Variants in SRCAP observed in about 807,000 individuals in gnomAD.
SRCAP encodes Snf2 related CREBBP activator protein, also known as chromatin remodeling protein SRCAP.
A neutral mutation model predicts 263.1 loss-of-function variants in SRCAP; 46 were observed. That is an observed-to-expected ratio of 0.17 (90% CI 0.14 to 0.22). SRCAP has a LOEUF of 0.22. Ranked by LOEUF, SRCAP falls within the 10% of genes least tolerant of loss-of-function variation. SRCAP has a pLI of 1.00. For synonymous variants in SRCAP, 1,813 were observed against 1,662.1 expected, an observed-to-expected ratio of 1.09 and a Z score of -2.21; for missense variants, 3,695 against 4,181.9, an observed-to-expected ratio of 0.88 and a Z score of 3.21.
At chr16:30,735,441 C>T (rs928762231) in intron 31 of SRCAP, among the ~76,000 whole-genome samples, 34 of 152,060 alleles carry the variant, frequency 2.2e-4, no homozygotes, top group South Asian at 4.1e-4. Context: ...CCACCGCGCC[C>T]GGCCACAAAG....
intron 10 of SRCAP, among the ~76,000 whole-genome samples, chr16:30,711,322 C>CTTG (rs1489012949): frequency 6.6e-6 from 1 of 152,196 alleles, no homozygotes; most frequent in Admixed American, 6.5e-5. Context: ...TAGGAAGATA[C>CTTG]TGACAGCATT....
chr16:30,734,507 A>C lies in SRCAP; in HGVS notation c.6621A>C (p.Arg2207=). The C allele has an allele frequency of 1.9e-6, 3 of 1,613,938 alleles. No homozygotes were observed. The highest frequency in any genetic ancestry group is 1.3e-5 in the African/African-American group (1 of 75,006). ...TTAYFKQQTI[R]ELFDMPLEEP... is the part of the protein sequence containing the mutation. ...GTTCTATCCGATAGCAGACCATCCG[A>C]GAGCTGTTTGATATGCCCCTGGAGG... is the stretch of plus-strand genomic sequence containing the variant. Residue 2207 remains arginine (R), a synonymous_variant, in exon 31 of 34, where the codon CGA becomes CGC. Transcript: ENST00000262518.
In SRCAP at chr16:30,733,882, A is replaced by C; in HGVS notation, c.6495-12A>C. 1 of 1,613,686 alleles carries C rather than the reference A, an allele frequency of 6.2e-7. No individual in the cohort carries two copies. Among genetic ancestry groups the C allele is most frequent in the South Asian group, 1.1e-5 (1 of 91,040 alleles). ...ATTTGGCTGCTTACACACGGCCTTC[A>C]TCACCCCCTAGGCTTATCAGTGAAC... On this transcript the variant is annotated splice_polypyrimidine_tract_variant and intron_variant, in intron 29 of 33. Transcript: ENST00000262518. The surrounding 1 kb of genome is among the most constrained non-coding windows in gnomAD (Gnocchi z 5.3).
chr16:30,733,093 C>T lies in SRCAP; in HGVS notation c.6128-187C>T, dbSNP rs569630961. 2.6e-5 allele frequency among the ~76,000 whole-genome samples: 4 copies of T among 152,342 alleles called. No individual in the cohort carries two copies. The South Asian group carries it at 6.2e-4, about 24-fold the overall frequency. On this transcript the variant is annotated intron_variant, in intron 27 of 33. Coordinates refer to ENST00000262518, the MANE Select transcript of SRCAP (RefSeq NM_006662.3). The surrounding 1 kb of genome is among the most constrained non-coding windows in gnomAD (Gnocchi z 5.3). ...TAAAGTGATCCACCTGCCTCAGCTT[C>T]TCAGAGTGCAGGGACTACAGGTGTG...
Position 30,739,927 on chromosome 16 carries a change from C to A in SRCAP, c.*194C>A. On this transcript the variant is annotated 3_prime_UTR_variant, in exon 34 of 34. Coordinates refer to ENST00000262518, the MANE Select transcript of SRCAP (RefSeq NM_006662.3). ...AAATGGGGATCATCACAGTCCCCTTCCCCTTCACCCCACGTGGCTGGGCAG... is the reference window on the plus strand; with the variant it reads ...AAATGGGGATCATCACAGTCCCCTTACCCTTCACCCCACGTGGCTGGGCAG... 2 of 848,936 alleles carry A rather than the reference C, an allele frequency of 2.4e-6. No individual in the cohort carries two copies. Among genetic ancestry groups the A allele is most frequent in the Non-Finnish European group, 3.3e-6 (2 of 600,744 alleles). The allele number at this position is 848,936 out of a possible 1,614,324, so 52.6% of individuals were successfully genotyped here.
At position 30,724,253 on chromosome 16, in the gene SRCAP, C is replaced by T. The variant is rs748074399; in HGVS notation, c.4829C>T (p.Pro1610Leu). 1.4e-5 allele frequency: 22 copies of T among 1,614,022 alleles called. No individual in the cohort carries two copies. Among genetic ancestry groups the T allele is most frequent in the Admixed American group, 3.3e-5 (2 of 60,000 alleles). ...CCAGCTCCTCCTCTGGCTCCTCTTC[C>T]GGTCCTGGCACCATCGCCAGGTGCT... is the stretch of plus-strand genomic sequence containing the variant. Reference protein sequence around the residue: ...PSPAPPLAPLPVLAPSPGAAP... With the variant: ...PSPAPPLAPLLVLAPSPGAAP... Residue 1610 changes from proline (P) to leucine (L), a missense_variant, in exon 25 of 34, where the codon CCG (proline) becomes CTG (leucine). Around this residue, in one of 12 missense-constraint regions of SRCAP, gnomAD observed 1,347 missense variants for 1,304.4 expected, o/e 1.03. Transcript: ENST00000262518.
chr16:30,707,788 A>G lies in SRCAP; in HGVS notation c.633+76A>G, dbSNP rs1001465380. On this transcript the variant is annotated intron_variant, in intron 6 of 33. Transcript: ENST00000262518. ...ATGGCGTGGTAGTAGGAATGATCAAAACTTCTTGAGGGAGTAAATATAATT... is the reference window on the plus strand; with the variant it reads ...ATGGCGTGGTAGTAGGAATGATCAAGACTTCTTGAGGGAGTAAATATAATT... The G allele has an allele frequency of 4.5e-6, 7 of 1,555,498 alleles. No individual in the cohort carries two copies. The African/African-American group carries it at 9.6e-5, about 21-fold the overall frequency.
chr16:30,737,687 T>C lies in SRCAP; in HGVS notation c.7647T>C (p.Pro2549=), dbSNP rs780101212. ...CTAATCTCCCCTTGGGCTTGAGGCC[T>C]GAGGCAGAGCTGTGTGCCCAGGCAT... ...SVTNLPLGLR[P]EAELCAQALA... The change falls in exon 34 of 34, where the codon CCT becomes CCC. Residue 2549 remains proline, a synonymous_variant. Coordinates refer to ENST00000262518, the MANE Select transcript of SRCAP (RefSeq NM_006662.3). The C allele has an allele frequency of 7.8e-5, 126 of 1,614,076 alleles. No individual in the cohort carries two copies. Among genetic ancestry groups the C allele is most frequent in the Non-Finnish European group, 1.1e-4 (124 of 1,180,042 alleles).
chr16:30,704,047 AT>A lies in SRCAP; in HGVS notation c.55-13del. 1 of 1,600,962 alleles carries A rather than the reference AT, an allele frequency of 6.2e-7. No individual in the cohort carries two copies. The highest frequency in any genetic ancestry group is 8.5e-7 in the Non-Finnish European group (1 of 1,171,690). On this transcript the variant is annotated splice_polypyrimidine_tract_variant and intron_variant, in intron 3 of 33. Transcript: ENST00000262518. ...GTGCGAAGCATTTATTTTCTCCATC[AT>A]TTTCCTCTTTTCTAGATGGTGTCGG...
chr16:30,728,339 CATA>C (rs2053082340), intron 25 of SRCAP, among the ~76,000 whole-genome samples: 1 of 152,196 alleles, frequency 6.6e-6, no homozygotes, highest in South Asian at 2.1e-4. Flanking sequence ...TAACTACAAG[CATA>C]ATAAGTGATA....
chr16:30,705,765 G>A (rs112866628), intron 4 of SRCAP, among the ~76,000 whole-genome samples: 3,964 of 151,190 alleles, frequency 0.026, 146 homozygotes, highest in African/African-American at 0.094. Flanking sequence ...GGAGTGCAGT[G>A]GCATGATCTC....
rs995596259 is a variant in SRCAP at position 30,722,741 on chromosome 16, T to C, written c.3885T>C (p.Ala1295=). Residue 1295 remains alanine (A), a synonymous_variant, in exon 23 of 34, where the codon GCT becomes GCC. Coordinates refer to ENST00000262518, the MANE Select transcript of SRCAP (RefSeq NM_006662.3). The part of the protein sequence containing the change: ...APTGLSLPLA[A]NQVPPTMVNN... ...CTGGCCTCAGCCTTCCGCTTGCTGC[T>C]AACCAGGGTGAGGCTCCTGGCCTTC... 1.2e-6 allele frequency: 2 copies of C among 1,610,042 alleles called. No homozygotes were observed. Among genetic ancestry groups the C allele is most frequent in the Non-Finnish European group, 1.7e-6 (2 of 1,177,142 alleles).
intron 16 of SRCAP, 80 bp from the exon 17 acceptor site, chr16:30,715,986 A>G (rs779794305): frequency 5.1e-6 from 8 of 1,582,694 alleles, no homozygotes; most frequent in Admixed American, 1.7e-5. Flanking sequence ...GTATGACTCC[A>G]TTAGTGTTTG....
chr16:30,724,231 G>C lies in SRCAP; in HGVS notation c.4807G>C (p.Ala1603Pro). The C allele has an allele frequency of 6.2e-7, 1 of 1,613,964 alleles. No individual in the cohort carries two copies. Among genetic ancestry groups the C allele is most frequent in the East Asian group, 2.2e-5 (1 of 44,858 alleles). ...GACAGCAATTCTGGCTCCTTCTCCA[G>C]CTCCTCCTCTGGCTCCTCTTCCGGT... ...PQTAILAPSP[A>P]PPLAPLPVLA... is the part of the protein sequence containing the mutation. The change falls in exon 25 of 34, where the codon GCT becomes CCT. Residue 1603 changes from alanine (A) to proline (P), a missense_variant. Physicochemically the swap from Ala to Pro is conservative, Grantham distance 27. Around this residue, in one of 12 missense-constraint regions of SRCAP, gnomAD observed 1,347 missense variants for 1,304.4 expected, o/e 1.03. Coordinates refer to ENST00000262518, the MANE Select transcript of SRCAP (RefSeq NM_006662.3).
chr16:30,712,130 C>T lies in SRCAP; in HGVS notation c.1788C>T (p.Pro596=). The T allele has an allele frequency of 6.2e-7, 1 of 1,614,076 alleles. No homozygotes were observed. The highest frequency in any genetic ancestry group is 2.2e-5 in the East Asian group (1 of 44,866). The change falls in exon 12 of 34, where the codon CCC becomes CCT. Residue 596 remains proline, a synonymous_variant. Coordinates refer to ENST00000262518, the MANE Select transcript of SRCAP (RefSeq NM_006662.3). ...CTGCAGCAGCTGAAAGTCTCCAGCC[C>T]AAGGGTTACACGCTGGCCACGACCC... The part of the protein sequence containing the change: ...DIAAAAESLQ[P]KGYTLATTQV...
intron 4 of SRCAP, 70 bp downstream of exon 4, chr16:30,704,385 A>G (rs1032638096): frequency 1.4e-5 from 21 of 1,503,436 alleles, no homozygotes; most frequent in Non-Finnish European, 1.8e-5. Context: ...CCTCTTGAGT[A>G]TTTTATGTTT....
In SRCAP at chr16:30,707,324, G is replaced by A; in HGVS notation, c.448G>A (p.Asp150Asn). 1 of 1,614,220 alleles carries A rather than the reference G, an allele frequency of 6.2e-7. No individual in the cohort carries two copies. Among genetic ancestry groups the A allele is most frequent in the Non-Finnish European group, 8.5e-7 (1 of 1,180,044 alleles). The stretch of plus-strand genomic sequence containing the variant: ...CGAAGAGATGCAGTGGCTCTCTGCT[G>A]ACTTTGCTCAGGAGCGCCGTTGGAA... ...LCEEMQWLSA[D>N]FAQERRWKRG... Residue 150 changes from aspartate to asparagine, a missense_variant, in exon 5 of 34, where the codon GAC becomes AAC. This residue lies in a region of SRCAP where 107 missense variants were observed against 223.8 expected (regional missense o/e 0.48). Transcript: ENST00000262518.
chr16:30,704,999 T>C (rs557304697), intron 4 of SRCAP, among the ~76,000 whole-genome samples: 1 of 152,180 alleles, frequency 6.6e-6, no homozygotes, highest in Admixed American at 6.5e-5. Context: ...CCTGGGAACT[T>C]AGTAGAAACA....
intron 27 of SRCAP, among the ~76,000 whole-genome samples, chr16:30,730,955 A>G (rs1345583236): frequency 6.6e-6 from 1 of 152,082 alleles, no homozygotes; most frequent in Non-Finnish European, 1.5e-5. Flanking sequence ...CACGTGAGCC[A>G]TTGCACCCAG....
Sources: gnomAD v4.1 joint callset for allele counts (sites outside exome capture counted in the v4.1 genomes callset) on GRCh38, gnomAD v4.1.1 for gene constraint, gnomAD v4.1.1 regional missense constraint, Gnocchi (gnomAD v3.1) non-coding constraint, MANE v1.5 for transcripts, NCBI Gene and HGNC (gene_info 2026-07-23, HGNC 2026-07-21) for gene names.